ARFGEF3: variants seen among roughly 807,000 people sequenced by gnomAD.
ARFGEF3 encodes the protein brefeldin A-inhibited guanine nucleotide-exchange protein 3.
Under a neutral mutation model 221.7 loss-of-function variants are expected in ARFGEF3, and 96 were observed. The ratio of observed to expected loss-of-function variants is 0.43; its 90% confidence interval spans 0.37 to 0.51. The LOEUF is 0.51. ARFGEF3 is among the 20% of genes least tolerant of loss of function. The probability of loss-of-function intolerance (pLI) is 0.00; values close to 1 mark genes in which losing one functional copy is unlikely to be tolerated. For missense variants in ARFGEF3, 2,410 were observed against 2,789.9 expected, an observed-to-expected ratio of 0.86 and a Z score of 3.07; for synonymous variants, 1,145 against 1,126.8, an observed-to-expected ratio of 1.02 and a Z score of -0.32.
intron 14 of ARFGEF3, among the ~76,000 whole-genome samples, chr6:138,282,475 C>G (rs1779213279): frequency 6.6e-6 from 1 of 152,070 alleles, no homozygotes; most frequent in South Asian, 2.1e-4. Context: ...GCACTGGGGG[C>G]TCTTACAAGG....
At chr6:138,195,130 G>A (rs1161662052) in intron 2 of ARFGEF3, among the ~76,000 whole-genome samples, 1 of 150,548 alleles carries the variant, frequency 6.6e-6, no homozygotes, top group Non-Finnish European at 1.5e-5. Context: ...AGCCTCCCGA[G>A]TAGCTGGGAC....
chr6:138,281,768 G>A (rs528127023), intron 14 of ARFGEF3, among the ~76,000 whole-genome samples: 1 of 152,272 alleles, frequency 6.6e-6, no homozygotes, highest in South Asian at 2.1e-4. Context: ...ATATTGTTGT[G>A]GTGCAGTATT....
chr6:138,302,779 A>G (rs1021917552), intron 22 of ARFGEF3, among the ~76,000 whole-genome samples: 1 of 152,234 alleles, frequency 6.6e-6, no homozygotes, highest in Non-Finnish European at 1.5e-5. Flanking sequence ...CTGTCAATGG[A>G]TAATCCTAGA....
In ARFGEF3 at chr6:138,291,062, C is replaced by T. The variant is rs1034989172; in HGVS notation, c.3048-671C>T. On this transcript the variant is annotated intron_variant, in intron 18 of 33. Transcript: ENST00000251691. The surrounding 1 kb of genome is among the most constrained non-coding windows in gnomAD (Gnocchi z 4.5). ...TCTTTACCAGTAAACAGACTTACTC[C>T]GAGATGAGGGACCTTGCGAACCATC... Among the ~76,000 whole-genome samples the T allele has an allele frequency of 2.6e-5, 4 of 152,146 alleles. No homozygotes were observed. The highest frequency in any genetic ancestry group is 9.7e-5 in the African/African-American group (4 of 41,432).
chr6:138,173,754 C>A (rs1006065509), intron 2 of ARFGEF3, among the ~76,000 whole-genome samples: 3 of 152,174 alleles, frequency 2.0e-5, no homozygotes, highest in Admixed American at 1.3e-4. Context: ...GAGCCAGCTA[C>A]CTATCTTGTG....
In ARFGEF3 at chr6:138,161,965, C is replaced by T. The variant is rs1776620241; in HGVS notation, c.-122C>T. 2 of 335,020 alleles carry T rather than the reference C, an allele frequency of 6.0e-6. No homozygotes were observed. Among genetic ancestry groups the T allele is most frequent in the Non-Finnish European group, 1.0e-5 (2 of 199,364 alleles). 20.8% of individuals were successfully genotyped at this position (335,020 alleles called of 1,614,324 possible). A position where few individuals can be genotyped will look rare whatever the true frequency, so the allele number is the denominator to read the frequency against. ...TGATTCATCAGCATCCGCGCCGGGG[C>T]GGCATGGGGGCGCGCGCGGCGGCCG... is the stretch of plus-strand genomic sequence containing the variant. On this transcript the variant is annotated 5_prime_UTR_variant, in exon 1 of 34. Coordinates refer to ENST00000251691, the MANE Select transcript of ARFGEF3 (RefSeq NM_020340.5).
chr6:138,269,759 A>G lies in ARFGEF3; in HGVS notation c.2128+6148A>G, dbSNP rs146227918. Among the ~76,000 whole-genome samples, 99 of 152,226 alleles carry G rather than the reference A, an allele frequency of 6.5e-4. 2 individuals are homozygous for G. In the East Asian group the frequency reaches 0.018, roughly 28 times the overall value. On this transcript the variant is annotated intron_variant, in intron 12 of 33. Transcript: ENST00000251691. ...GAGGCGGAGGTGGCGGTGAGCTGAG[A>G]TCGTGCCACTGCACTCCAGCCCGGG...
intron 10 of ARFGEF3, among the ~76,000 whole-genome samples, chr6:138,257,767 C>CCA (rs1778712876): frequency 6.6e-6 from 1 of 152,148 alleles, no homozygotes; most frequent in Non-Finnish European, 1.5e-5. Flanking sequence ...CCTCTCTCTA[C>CCA]CACACACTGG....
chr6:138,326,661 G>A (rs940677087), intron 31 of ARFGEF3, among the ~76,000 whole-genome samples: 6 of 152,130 alleles, frequency 3.9e-5, no homozygotes, highest in South Asian at 2.1e-4. Flanking sequence ...TACTGTTGGC[G>A]GGAGTATAAA....
chr6:138,194,989 A>ATTTTTTTTTTTTTTTTTTTTTT (rs747099029), intron 2 of ARFGEF3, among the ~76,000 whole-genome samples: 9 of 84,116 alleles, frequency 1.1e-4, no homozygotes, highest in African/African-American at 2.3e-4. Context: ...CTTTTCCCTA[A>ATTTTTTTTTTTTTTTTTTTTTT]TTTTTTTTTT....
intron 2 of ARFGEF3, among the ~76,000 whole-genome samples, chr6:138,176,344 G>A (rs9494952): frequency 0.061 from 9,311 of 151,888 alleles, 869 homozygotes; most frequent in African/African-American, 0.2. Context: ...CACCACACCC[G>A]GCCAATTTTT....
chr6:138,228,758 G>T (rs937392317), intron 4 of ARFGEF3, among the ~76,000 whole-genome samples: 1 of 152,218 alleles, frequency 6.6e-6, no homozygotes, highest in Admixed American at 6.5e-5. Context: ...AAGTAAATTT[G>T]CTAGGCTTCC....
At chr6:138,234,990 G>T (rs1237681921) in intron 5 of ARFGEF3, among the ~76,000 whole-genome samples, 1 of 152,096 alleles carries the variant, frequency 6.6e-6, no homozygotes. Context: ...TAATATTTGT[G>T]ATCCCTTTGG....
chr6:138,233,200 A>G (rs1190632119), intron 5 of ARFGEF3, among the ~76,000 whole-genome samples: 2 of 152,148 alleles, frequency 1.3e-5, no homozygotes, highest in African/African-American at 4.8e-5. Flanking sequence ...TGAGCATTAT[A>G]TATAACACAT....
chr6:138,315,533 C>T (rs1368182444), intron 26 of ARFGEF3, among the ~76,000 whole-genome samples: 1 of 151,962 alleles, frequency 6.6e-6, no homozygotes, highest in Non-Finnish European at 1.5e-5. Flanking sequence ...TTAAAATTTT[C>T]GATGGAGATG....
chr6:138,225,629 A>T (rs77571076), intron 4 of ARFGEF3, among the ~76,000 whole-genome samples: 110 of 152,346 alleles, frequency 7.2e-4, no homozygotes, highest in Admixed American at 4.7e-3. Context: ...TTAGAACCTT[A>T]GTGAATAATG....
intron 32 of ARFGEF3, 71 bp from the exon 33 acceptor site, chr6:138,333,899 G>C (rs765791334): frequency 3.5e-5 from 52 of 1,492,188 alleles, no homozygotes; most frequent in Non-Finnish European, 4.6e-5. Flanking sequence ...AACGGGTAAC[G>C]TCTATATTGC....
intron 12 of ARFGEF3, among the ~76,000 whole-genome samples, chr6:138,274,387 T>C (rs138122256): frequency 1.2e-3 from 179 of 152,326 alleles, no homozygotes; most frequent in African/African-American, 3.9e-3. Context: ...TCAGCCCCAC[T>C]AGCACCTTGA....
chr6:138,289,585 C>G (rs1779361367), intron 17 of ARFGEF3, among the ~76,000 whole-genome samples: 1 of 152,200 alleles, frequency 6.6e-6, no homozygotes, highest in Non-Finnish European at 1.5e-5. Flanking sequence ...ATGGCACCTG[C>G]CAGCTCAGGA....
Sources: gnomAD v4.1 joint callset for allele counts (sites outside exome capture counted in the v4.1 genomes callset) on GRCh38, gnomAD v4.1.1 for gene constraint, Gnocchi (gnomAD v3.1) non-coding constraint, MANE v1.5 for transcripts, NCBI Gene and HGNC (gene_info 2026-07-23, HGNC 2026-07-21) for gene names.